HMGCLL1: variants seen among roughly 807,000 people sequenced by gnomAD.
The protein encoded by HMGCLL1 is 3-hydroxy-3-methylglutaryl-CoA lyase like 1.
In HMGCLL1, 36 loss-of-function variants were observed where a neutral mutation model predicts 39.1. That is an observed-to-expected ratio of 0.92 (90% CI 0.71 to 1.22). HMGCLL1 has a LOEUF of 1.22. Among genes scored for constraint, HMGCLL1 ranks in the 50% most tolerant of loss-of-function variants. The pLI is 0.00. For synonymous variants in HMGCLL1, 149 were observed against 144.0 expected, an observed-to-expected ratio of 1.03 and a Z score of -0.25; for missense variants, 451 against 416.5, an observed-to-expected ratio of 1.08 and a Z score of -0.72.
chr6:55,503,245 A>G (rs754322862), intron 5 of HMGCLL1, among the ~76,000 whole-genome samples: 7 of 151,854 alleles, frequency 4.6e-5, no homozygotes, highest in Admixed American at 1.3e-4. Context: ...CAAATCCACA[A>G]CCCATAAAAA....
the HMGCLL1 span, among the ~76,000 whole-genome samples, chr6:55,658,390 T>C: frequency 6.6e-6 from 1 of 151,954 alleles, no homozygotes; most frequent in Non-Finnish European, 1.5e-5. Flanking sequence ...GAATAATGTG[T>C]CCAAACCTGA....
the HMGCLL1 span, among the ~76,000 whole-genome samples, chr6:55,609,749 C>G: frequency 6.6e-6 from 1 of 152,092 alleles, no homozygotes; most frequent in Non-Finnish European, 1.5e-5. Flanking sequence ...AGGGGCTGCC[C>G]AACACCTTAT....
intron 1 of HMGCLL1, 97 bp from the exon 2 acceptor site, chr6:55,542,237 C>T: frequency 1.5e-6 from 1 of 649,152 alleles, no homozygotes; most frequent in Non-Finnish European, 2.6e-6. Context: ...TATACTCTTA[C>T]CCCAGAGAAT....
chr6:55,601,468 A>G, the HMGCLL1 span, among the ~76,000 whole-genome samples: 67 of 152,308 alleles, frequency 4.4e-4, no homozygotes, highest in Non-Finnish European at 7.2e-4. Flanking sequence ...CTTAACTTGC[A>G]TACTATAAAT....
At chr6:55,595,312 T>C in the HMGCLL1 span, among the ~76,000 whole-genome samples, 1 of 152,204 alleles carries the variant, frequency 6.6e-6, no homozygotes, top group African/African-American at 2.4e-5. Context: ...CTATTCTAAA[T>C]AAACGCTGTC....
chr6:55,516,464 G>A (rs6459082), intron 4 of HMGCLL1, 44 bp downstream of exon 4: 850,301 of 1,234,200 alleles, frequency 0.69, 293,983 homozygotes, highest in Admixed American at 0.71. Flanking sequence ...TCTTTAAAAC[G>A]ATAAGAGGCC....
At chr6:55,476,429 C>G (rs1282531522) in intron 7 of HMGCLL1, among the ~76,000 whole-genome samples, 2 of 151,494 alleles carry the variant, frequency 1.3e-5, no homozygotes, top group Non-Finnish European at 3.0e-5. Context: ...TACAATCTTC[C>G]TAAATTTATG....
chr6:55,606,228 A>C, the HMGCLL1 span, among the ~76,000 whole-genome samples: 1 of 152,202 alleles, frequency 6.6e-6, no homozygotes, highest in East Asian at 1.9e-4. Flanking sequence ...GTGAAAGGAC[A>C]CAACAAAATC....
At chr6:55,661,521 T>C in the HMGCLL1 span, among the ~76,000 whole-genome samples, 4 of 152,098 alleles carry the variant, frequency 2.6e-5, no homozygotes, top group Non-Finnish European at 1.5e-5. Context: ...CAGATGATTG[T>C]AGGTGTGTGG....
chr6:55,609,010 G>A, the HMGCLL1 span, among the ~76,000 whole-genome samples: 2 of 152,316 alleles, frequency 1.3e-5, no homozygotes, highest in South Asian at 4.1e-4. Flanking sequence ...GAGTGAGAGT[G>A]GTACCCAGCC....
chr6:55,616,696 T>A, the HMGCLL1 span, among the ~76,000 whole-genome samples: 3 of 152,186 alleles, frequency 2.0e-5, no homozygotes, highest in Middle Eastern at 3.4e-3. Context: ...TAAAGTCAAG[T>A]ACAGTCTTAA....
At chr6:55,615,162 T>C in the HMGCLL1 span, among the ~76,000 whole-genome samples, 1 of 152,038 alleles carries the variant, frequency 6.6e-6, no homozygotes, top group Non-Finnish European at 1.5e-5. Flanking sequence ...ATGATAATTT[T>C]AGCATTGTTT....
At chr6:55,583,546 T>C (rs1772021041), upstream of HMGCLL1, among the ~76,000 whole-genome samples, 2 of 152,234 alleles carry the variant, frequency 1.3e-5, no homozygotes, top group South Asian at 4.1e-4. Context: ...TATGGCTGCA[T>C]AGTATTCCAT....
chr6:55,516,839 C>A (rs532877846), intron 3 of HMGCLL1, among the ~76,000 whole-genome samples: 1 of 152,110 alleles, frequency 6.6e-6, no homozygotes, highest in South Asian at 2.1e-4. Context: ...TGAGTTATTA[C>A]AGATAGGAAT....
At chr6:55,517,047 A>T (rs1319081689) in intron 3 of HMGCLL1, among the ~76,000 whole-genome samples, 1 of 152,112 alleles carries the variant, frequency 6.6e-6, no homozygotes, top group Non-Finnish European at 1.5e-5. Flanking sequence ...TAAATTACAC[A>T]TATTCTTTAG....
Position 55,579,130 on chromosome 6 carries a change from A to G in HMGCLL1, c.-75T>C, listed in dbSNP as rs1771919212. The G allele has an allele frequency of 5.2e-6, 6 of 1,148,852 alleles. No individual in the cohort carries two copies. Among genetic ancestry groups the G allele is most frequent in the Non-Finnish European group, 6.4e-6 (5 of 783,326 alleles). 71.2% of individuals were successfully genotyped at this position (1,148,852 alleles called of 1,614,324 possible). The stretch of plus-strand genomic sequence containing the variant: ...TGAGGGGCGGGCACCGCGCTGGGAA[A>G]CTGCGCCAGCTCGGGAGCGCGCCCC... On this transcript the variant is annotated 5_prime_UTR_variant, in exon 1 of 9. Coordinates refer to ENST00000274901, the MANE Select transcript of HMGCLL1 (RefSeq NM_001042406.2).
the HMGCLL1 span, among the ~76,000 whole-genome samples, chr6:55,615,430 T>C: frequency 6.6e-6 from 1 of 152,166 alleles, no homozygotes; most frequent in Non-Finnish European, 1.5e-5. Flanking sequence ...TGCAGGCACC[T>C]TGTGCCTCTA....
the HMGCLL1 span, among the ~76,000 whole-genome samples, chr6:55,595,619 C>A: frequency 7.9e-5 from 12 of 152,198 alleles, no homozygotes; most frequent in South Asian, 2.1e-4. Flanking sequence ...AGATAAAATT[C>A]TTTGTGTAGT....
the HMGCLL1 span, among the ~76,000 whole-genome samples, chr6:55,632,929 G>A: frequency 6.6e-6 from 1 of 152,040 alleles, no homozygotes; most frequent in East Asian, 1.9e-4. Flanking sequence ...AAGCAATGAG[G>A]AAACCACATA....
Sources: allele counts gnomAD v4.1 joint callset (sites outside exome capture counted in the v4.1 genomes callset), GRCh38; gene constraint gnomAD v4.1.1; transcripts MANE v1.5; gene names NCBI Gene and HGNC (gene_info 2026-07-23, HGNC 2026-07-21).